TUSC3: variants seen among roughly 807,000 people sequenced by gnomAD.
The protein encoded by TUSC3 is tumor suppressor candidate 3.
A neutral mutation model predicts 44.8 loss-of-function variants in TUSC3; 45 were observed. That is an observed-to-expected ratio of 1.00 (90% CI 0.79 to 1.29). The LOEUF is 1.29. Ranked by LOEUF, TUSC3 falls within the 50% of genes most tolerant of loss-of-function variation. The pLI, the probability that TUSC3 is intolerant of heterozygous loss-of-function variation, is 0.00. For missense variants in TUSC3, 519 were observed against 437.9 expected (o/e 1.19, Z -1.65); for synonymous variants, 212 against 152.9 (o/e 1.39, Z -2.85).
chr8:15,632,520 A>T (rs1447704795), intron 2 of TUSC3, among the ~76,000 whole-genome samples: 1 of 152,120 alleles, frequency 6.6e-6, no homozygotes, highest in Non-Finnish European at 1.5e-5. Flanking sequence ...TTTATTAAGT[A>T]TTTGGGGAGA....
intron 10 of TUSC3, chr8:15,758,245 T>G (rs987123719): frequency 1.0e-6 from 1 of 988,852 alleles, no homozygotes; most frequent in Non-Finnish European, 1.2e-6. Context: ...AGCCTTAATA[T>G]TCAAGGGTAA....
chr8:15,488,577 A>C (rs545919217), intron 2 of TUSC3, among the ~76,000 whole-genome samples: 1 of 152,250 alleles, frequency 6.6e-6, no homozygotes, highest in Admixed American at 6.5e-5. Flanking sequence ...ATAAGCCCTA[A>C]TCACCAGTGT....
chr8:15,639,450 A>G (rs1282377049), intron 2 of TUSC3, among the ~76,000 whole-genome samples: 1 of 152,246 alleles, frequency 6.6e-6, no homozygotes, highest in East Asian at 1.9e-4. Context: ...ACAGGAGTAA[A>G]GATCATACAA....
chr8:15,758,302 T>TA, intron 10 of TUSC3: 5 of 954,920 alleles, frequency 5.2e-6, no homozygotes, highest in Non-Finnish European at 6.2e-6. Context: ...AAAACTTTTT[T>TA]AAAATCAACA....
chr8:15,618,755 G>A (rs775574653), intron 1 of TUSC3, among the ~76,000 whole-genome samples: 1 of 152,168 alleles, frequency 6.6e-6, no homozygotes, highest in African/African-American at 2.4e-5. Context: ...ATACGTAATT[G>A]CATGTGCTGT....
At chr8:15,521,826 T>C (rs1339803700) in intron 2 of TUSC3, among the ~76,000 whole-genome samples, 5 of 152,188 alleles carry the variant, frequency 3.3e-5, no homozygotes, top group Non-Finnish European at 7.4e-5. Context: ...TGGTCAAGGG[T>C]AGACCCAAGG....
chr8:15,508,674 G>A (rs1329386025), intron 2 of TUSC3, among the ~76,000 whole-genome samples: 1 of 152,024 alleles, frequency 6.6e-6, no homozygotes, highest in Non-Finnish European at 1.5e-5. Flanking sequence ...TGTTAGCCAG[G>A]ATGGTCTCAG....
the TUSC3 span, among the ~76,000 whole-genome samples, chr8:15,810,416 T>A: frequency 2.0e-5 from 3 of 152,112 alleles, no homozygotes; most frequent in African/African-American, 7.2e-5. Context: ...GGTGGGAGGA[T>A]CACTTGAGCC....
intron 1 of TUSC3, among the ~76,000 whole-genome samples, chr8:15,580,834 C>T (rs937583965): frequency 2.8e-5 from 4 of 143,346 alleles, no homozygotes; most frequent in South Asian, 2.2e-4. Context: ...TTGTGGCATT[C>T]CCTGTATTTC....
intron 2 of TUSC3, among the ~76,000 whole-genome samples, chr8:15,528,230 A>T (rs1801401962): frequency 1.3e-5 from 2 of 152,236 alleles, no homozygotes; most frequent in South Asian, 4.1e-4. Flanking sequence ...TTCCTTGGAA[A>T]TGACAAGGTT....
At chr8:15,423,640 C>T (rs1488027452) in intron 1 of TUSC3, among the ~76,000 whole-genome samples, 8 of 152,146 alleles carry the variant, frequency 5.3e-5, no homozygotes, top group Admixed American at 5.2e-4. Context: ...ACCTGCTCAC[C>T]ATTACTAGAA....
At chr8:15,682,352 TG>T (rs1310612419) in intron 6 of TUSC3, among the ~76,000 whole-genome samples, 1 of 152,204 alleles carries the variant, frequency 6.6e-6, no homozygotes. Flanking sequence ...GCTCTAATTT[TG>T]GATTCATATA....
intron 1 of TUSC3, among the ~76,000 whole-genome samples, chr8:15,452,243 T>G (rs184092833): frequency 8.5e-5 from 13 of 152,350 alleles, no homozygotes; most frequent in Admixed American, 2.6e-4. Context: ...TGAAAAATTT[T>G]CGCTGACTTT....
At chr8:15,595,106 C>T (rs1168151756) in intron 1 of TUSC3, among the ~76,000 whole-genome samples, 1 of 152,152 alleles carries the variant, frequency 6.6e-6, no homozygotes, top group African/African-American at 2.4e-5. Context: ...TATTGCATTC[C>T]CATCACTTTG....
chr8:15,624,554 G>T (rs1012481021), intron 2 of TUSC3, among the ~76,000 whole-genome samples: 1 of 152,090 alleles, frequency 6.6e-6, no homozygotes, highest in African/African-American at 2.4e-5. Flanking sequence ...ATTTCCCTAT[G>T]ACTAATTGTG....
At chr8:15,618,652 A>G (rs1430615655) in intron 1 of TUSC3, among the ~76,000 whole-genome samples, 2 of 152,226 alleles carry the variant, frequency 1.3e-5, no homozygotes, top group African/African-American at 4.8e-5. Context: ...TAGAAAACAA[A>G]TAAGCAGAAG....
In TUSC3 at chr8:15,669,326, C is replaced by T. The variant is rs141950510; in HGVS notation, c.709-4421C>T. 4.1e-3 allele frequency among the ~76,000 whole-genome samples: 616 copies of T among 151,684 alleles called. 8 individuals are homozygous for T. Among genetic ancestry groups the T allele is most frequent in the African/African-American group, 0.014 (597 of 41,452 alleles). Reference sequence around the variant, plus strand: ...GACTAACTCTTCTAAACAATTGAGACGGAATAATACTCACCTTAGGTAAAC... The same window carrying T: ...GACTAACTCTTCTAAACAATTGAGATGGAATAATACTCACCTTAGGTAAAC... On this transcript the variant is annotated intron_variant, in intron 5 of 10. Transcript: ENST00000503731.
rs372041191 is a variant in TUSC3 at position 15,623,070 on chromosome 8, T to G, written c.139-10T>G. On this transcript the variant is annotated splice_polypyrimidine_tract_variant and intron_variant, in intron 1 of 10. Transcript: ENST00000503731. ...TCTTTGTAAATGTTAATTTCTGTGT[T>G]TAATTGCAGAATCTTTTAGCTGAAA... 1.9e-5 allele frequency: 31 copies of G among 1,613,322 alleles called. No individual in the cohort carries two copies. The East Asian group carries it at 5.8e-4, about 30-fold the overall frequency.
chr8:15,497,284 G>C (rs530850969), intron 2 of TUSC3, among the ~76,000 whole-genome samples: 8 of 152,290 alleles, frequency 5.3e-5, no homozygotes, highest in Admixed American at 5.2e-4. Flanking sequence ...GTGATTTAAA[G>C]AGGGCCCAGT....
Sources: gnomAD v4.1 joint callset for allele counts (sites outside exome capture counted in the v4.1 genomes callset) on GRCh38, gnomAD v4.1.1 for gene constraint, MANE v1.5 for transcripts, NCBI Gene and HGNC (gene_info 2026-07-23, HGNC 2026-07-21) for gene names.